Variants in INPP4B observed in about 807,000 individuals in gnomAD.
INPP4B encodes the protein inositol polyphosphate-4-phosphatase type II B, also known as inositol polyphosphate 4-phosphatase type II.
Under a neutral mutation model 122.5 loss-of-function variants are expected in INPP4B, and 55 were observed. The observed-to-expected ratio is 0.45, with a 90% CI of 0.36 to 0.56. The LOEUF is 0.56. INPP4B is among the 20% of genes least tolerant of loss of function. The pLI is 0.00. For synonymous variants in INPP4B, 403 were observed against 388.7 expected (o/e 1.04, Z -0.43); for missense variants, 1,000 against 1,097.7 (o/e 0.91, Z 1.26).
intron 9 of INPP4B, among the ~76,000 whole-genome samples, chr4:142,276,659 G>C (rs1291871136): frequency 6.6e-6 from 1 of 151,866 alleles, no homozygotes; most frequent in Non-Finnish European, 1.5e-5. Context: ...AAATTCTTCA[G>C]TATATGGAAA....
chr4:142,553,631 C>T (rs1443177897), intron 2 of INPP4B, among the ~76,000 whole-genome samples: 1 of 152,150 alleles, frequency 6.6e-6, no homozygotes, highest in East Asian at 1.9e-4. Flanking sequence ...TTCTAGGGTT[C>T]CCCAACAGGC....
intron 1 of INPP4B, among the ~76,000 whole-genome samples, chr4:142,823,708 G>T (rs921969522): frequency 2.0e-5 from 3 of 152,102 alleles, no homozygotes; most frequent in African/African-American, 4.8e-5. Context: ...ACTTTTGATT[G>T]TTCCAGTTGG....
At chr4:142,459,091 G>T (rs1816160233) in intron 3 of INPP4B, among the ~76,000 whole-genome samples, 1 of 152,208 alleles carries the variant, frequency 6.6e-6, no homozygotes, top group African/African-American at 2.4e-5. Flanking sequence ...CTAGAAAGCA[G>T]TGTGGAAGGA....
intron 1 of INPP4B, among the ~76,000 whole-genome samples, chr4:142,809,486 CA>C (rs1779242033): frequency 6.6e-6 from 1 of 152,076 alleles, no homozygotes; most frequent in African/African-American, 2.4e-5. Flanking sequence ...GTATTTAAGA[CA>C]AATGTTTGAT....
At position 142,296,360 on chromosome 4, in the gene INPP4B, G is replaced by C. The variant is rs140010091; in HGVS notation, c.503+9098C>G. On this transcript the variant is annotated intron_variant, in intron 9 of 25. Transcript: ENST00000262992. ...AAAAACAGTCTAGTTGAATGAAGTG[G>C]GAAATAAAAGAACTGATGATAATAA... Among the ~76,000 whole-genome samples the C allele has an allele frequency of 2.2e-4, 33 of 152,242 alleles. 1 individual carries two copies. Among genetic ancestry groups the C allele is most frequent in the Admixed American group, 3.9e-4 (6 of 15,296 alleles).
intron 17 of INPP4B, among the ~76,000 whole-genome samples, chr4:142,159,030 ATCT>A (rs1208250351): frequency 1.3e-5 from 2 of 151,974 alleles, no homozygotes; most frequent in South Asian, 2.1e-4. Flanking sequence ...GATAGTATTA[ATCT>A]TCTTAATAAG....
At chr4:142,460,847 T>C (rs1042902953) in intron 3 of INPP4B, among the ~76,000 whole-genome samples, 11 of 143,286 alleles carry the variant, frequency 7.7e-5, no homozygotes, top group African/African-American at 2.8e-4. Flanking sequence ...TTTCAGACTT[T>C]TAGTGCTGCA....
At chr4:142,718,438 C>T (rs753893314) in intron 2 of INPP4B, among the ~76,000 whole-genome samples, 3 of 152,144 alleles carry the variant, frequency 2.0e-5, no homozygotes, top group Admixed American at 6.5e-5. Context: ...ATGCCCCAAT[C>T]GGATCTTATT....
chr4:142,205,215 CTTTG>C (rs751070868), intron 14 of INPP4B, among the ~76,000 whole-genome samples: 3 of 152,054 alleles, frequency 2.0e-5, no homozygotes, highest in Non-Finnish European at 4.4e-5. Flanking sequence ...CATAGTTTCT[CTTTG>C]TTTGGTGGAA....
intron 2 of INPP4B, among the ~76,000 whole-genome samples, chr4:142,499,130 T>A (rs991098750): frequency 1.3e-5 from 2 of 152,172 alleles, no homozygotes; most frequent in African/African-American, 4.8e-5. Flanking sequence ...AAAACACTCC[T>A]TCATTCCTGT....
intron 2 of INPP4B, among the ~76,000 whole-genome samples, chr4:142,470,331 T>C (rs1818584522): frequency 6.6e-6 from 1 of 152,166 alleles, no homozygotes; most frequent in South Asian, 2.1e-4. Flanking sequence ...TGAAAAATGT[T>C]CAACTTCATT....
intron 15 of INPP4B, among the ~76,000 whole-genome samples, chr4:142,190,747 C>CGTGT (rs1247174495): frequency 2.2e-5 from 3 of 135,814 alleles, no homozygotes; most frequent in Non-Finnish European, 4.6e-5. Context: ...TGTGTGTGTG[C>CGTGT]GCGTGTGTGT....
intron 2 of INPP4B, among the ~76,000 whole-genome samples, chr4:142,557,393 C>G (rs1288516594): frequency 2.6e-5 from 4 of 152,158 alleles, no homozygotes; most frequent in Admixed American, 2.6e-4. Context: ...CTTCAAAGAC[C>G]TGGAGAGACG....
chr4:142,168,912 T>C (rs982578211), intron 16 of INPP4B, among the ~76,000 whole-genome samples: 4 of 151,600 alleles, frequency 2.6e-5, no homozygotes, highest in African/African-American at 9.7e-5. Context: ...TCCTTTTTGC[T>C]ACAGCCTAGG....
At chr4:142,031,544 C>G (rs1371477969) in intron 25 of INPP4B, among the ~76,000 whole-genome samples, 1 of 152,124 alleles carries the variant, frequency 6.6e-6, no homozygotes, top group Non-Finnish European at 1.5e-5. Context: ...AAGGACTATG[C>G]AATCAGTGAC....
intron 2 of INPP4B, among the ~76,000 whole-genome samples, chr4:142,698,984 C>T (rs1211786007): frequency 1.3e-5 from 2 of 152,146 alleles, no homozygotes; most frequent in East Asian, 3.9e-4. Flanking sequence ...GTTCAAGACT[C>T]CCTCAGCAGT....
At chr4:142,610,997 T>G (rs1469542819) in intron 2 of INPP4B, among the ~76,000 whole-genome samples, 21 of 152,102 alleles carry the variant, frequency 1.4e-4, no homozygotes, top group Non-Finnish European at 1.0e-4. Flanking sequence ...ACTGAGTAAT[T>G]TATAAAGAAA....
At chr4:142,218,302 TG>T (rs1370648268) in intron 12 of INPP4B, among the ~76,000 whole-genome samples, 1 of 152,206 alleles carries the variant, frequency 6.6e-6, no homozygotes, top group Non-Finnish European at 1.5e-5. Context: ...ACTATAGTGA[TG>T]TTCGACTTGT....
chr4:142,505,300 C>T (rs1823878120), intron 2 of INPP4B, among the ~76,000 whole-genome samples: 1 of 150,936 alleles, frequency 6.6e-6, no homozygotes, highest in Non-Finnish European at 1.5e-5. Context: ...AATATAATTA[C>T]ATATGTGAAT....
Sources: allele counts gnomAD v4.1 joint callset (sites outside exome capture counted in the v4.1 genomes callset), GRCh38; gene constraint gnomAD v4.1.1; transcripts MANE v1.5; gene names NCBI Gene and HGNC (gene_info 2026-07-23, HGNC 2026-07-21).